ARHGAP32: variants seen among roughly 807,000 people sequenced by gnomAD.
ARHGAP32 encodes Rho GTPase activating protein 32, also known as rho GTPase-activating protein 32.
ARHGAP32 carries 51 observed loss-of-function variants against 186.5 expected under a neutral mutation model. That is an observed-to-expected ratio of 0.27 (90% CI 0.22 to 0.35). The LOEUF (loss-of-function observed/expected upper bound fraction) is 0.35. ARHGAP32 is among the 10% of genes least tolerant of loss of function. The probability of loss-of-function intolerance (pLI) is 1.00; values close to 1 mark genes in which losing one functional copy is unlikely to be tolerated. For missense variants in ARHGAP32, 2,186 were observed against 2,623.5 expected (o/e 0.83, Z 3.64); for synonymous variants, 950 against 964.3 (o/e 0.99, Z 0.27).
intron 1 of ARHGAP32, among the ~76,000 whole-genome samples, chr11:129,211,254 T>C (rs1293839553): frequency 1.3e-5 from 2 of 152,210 alleles, no homozygotes; most frequent in Non-Finnish European, 1.5e-5. Flanking sequence ...TAATGCTGTA[T>C]AGATTTTGAG....
At chr11:129,196,553 T>C (rs1192599993), upstream of ARHGAP32, among the ~76,000 whole-genome samples, 6 of 152,182 alleles carry the variant, frequency 3.9e-5, no homozygotes, top group Admixed American at 3.9e-4. Context: ...CAGGGTGTCC[T>C]GGAAACGATT....
intron 1 of ARHGAP32, among the ~76,000 whole-genome samples, chr11:129,245,751 T>C (rs1456383682): frequency 6.6e-6 from 1 of 151,562 alleles, no homozygotes; most frequent in Admixed American, 6.6e-5. Flanking sequence ...TATATCACCA[T>C]TATTTTCCCA....
At chr11:129,110,962 C>T (rs928460599) in intron 5 of ARHGAP32, among the ~76,000 whole-genome samples, 7 of 152,084 alleles carry the variant, frequency 4.6e-5, no homozygotes, top group African/African-American at 1.2e-4. Flanking sequence ...TCCAATACTA[C>T]GTTGAACAGG....
intron 2 of ARHGAP32, among the ~76,000 whole-genome samples, chr11:129,135,682 G>A (rs2135414603): frequency 1.3e-5 from 2 of 152,202 alleles, no homozygotes; most frequent in South Asian, 4.1e-4. Flanking sequence ...CAGGAGAATG[G>A]TGTGAACCCA....
In ARHGAP32 at chr11:128,968,948, A is replaced by C. The variant is rs1445909124; in HGVS notation, c.6265T>G (p.Leu2089Val). The change falls in exon 23 of 23, where the codon TTG becomes GTG. Residue 2089 changes from leucine to valine, a missense_variant. By Grantham distance (32) the Leu-to-Val change is conservative. This residue lies in a region of ARHGAP32 where 1,502 missense variants were observed against 1,570.0 expected (regional missense o/e 0.96). Transcript: ENST00000682385. ...TGTGTTTCAGGATGCTGCAAGGACA[A>C]CTCTGCGGGCAGGAAGGCCCCTTGA... is the stretch of plus-strand genomic sequence containing the variant. ...LGQGAFLPAE[L>V]SLQHPETQIH... is the part of the protein sequence containing the mutation. 2.6e-6 allele frequency: 4 copies of C among 1,558,600 alleles called. No individual in the cohort carries two copies.
chr11:129,114,625 A>C (rs1232418290), intron 5 of ARHGAP32, among the ~76,000 whole-genome samples: 1 of 152,142 alleles, frequency 6.6e-6, no homozygotes, highest in African/African-American at 2.4e-5. Context: ...ACTATGAAGG[A>C]CTGAACTATA....
chr11:129,112,053 A>G (rs1377258046), intron 5 of ARHGAP32, among the ~76,000 whole-genome samples: 1 of 152,052 alleles, frequency 6.6e-6, no homozygotes, highest in Non-Finnish European at 1.5e-5. Context: ...GACCAGCCTG[A>G]TCAATAAGGT....
At chr11:129,255,542 A>G (rs992280170) in intron 1 of ARHGAP32, among the ~76,000 whole-genome samples, 1 of 152,132 alleles carries the variant, frequency 6.6e-6, no homozygotes, top group African/African-American at 2.4e-5. Flanking sequence ...ACACTGGACT[A>G]TATTAAGACC....
chr11:128,981,814 T>G lies in ARHGAP32; in HGVS notation c.1634+15A>C. ...GATTAGTTCTACTAAAATTAATAAG[T>G]GAAATGCAAATTACCTTAACAGGTT... On this transcript the variant is annotated intron_variant, in intron 16 of 22. Coordinates refer to ENST00000682385, the MANE Select transcript of ARHGAP32 (RefSeq NM_001378024.1). 6.4e-7 allele frequency: 1 copy of G among 1,560,382 alleles called. No homozygotes were observed. The highest frequency in any genetic ancestry group is 8.8e-7 in the Non-Finnish European group (1 of 1,136,910).
At chr11:129,065,753 A>G (rs1314764727) in intron 7 of ARHGAP32, among the ~76,000 whole-genome samples, 1 of 151,978 alleles carries the variant, frequency 6.6e-6, no homozygotes, top group Non-Finnish European at 1.5e-5. Flanking sequence ...CCAATTTTTA[A>G]TTATTTCCTT....
chr11:129,083,580 G>T (rs1045831250), intron 6 of ARHGAP32, among the ~76,000 whole-genome samples: 7 of 152,158 alleles, frequency 4.6e-5, no homozygotes, highest in Admixed American at 1.3e-4. Flanking sequence ...GGGATGATGG[G>T]AAGAAGGGAT....
chr11:129,078,797 G>A (rs923659337), intron 6 of ARHGAP32, among the ~76,000 whole-genome samples: 1 of 152,062 alleles, frequency 6.6e-6, no homozygotes, highest in African/African-American at 2.4e-5. Flanking sequence ...CCGGCCAGAA[G>A]GTTGATTACT....
chr11:129,093,532 A>C (rs1253358569), intron 6 of ARHGAP32, 89 bp downstream of exon 6: 1 of 879,386 alleles, frequency 1.1e-6, no homozygotes. Context: ...TATATCCTTT[A>C]GGCAAATCAC....
intron 5 of ARHGAP32, among the ~76,000 whole-genome samples, chr11:129,109,734 C>A (rs1942152449): frequency 6.6e-6 from 1 of 151,890 alleles, no homozygotes; most frequent in Non-Finnish European, 1.5e-5. Flanking sequence ...TTTGAGAACT[C>A]TATTCTTATC....
chr11:129,251,567 T>C (rs1453518241), intron 1 of ARHGAP32, among the ~76,000 whole-genome samples: 2 of 152,084 alleles, frequency 1.3e-5, no homozygotes, highest in Non-Finnish European at 2.9e-5. Context: ...ATCAACAATA[T>C]ATGAATTACA....
At chr11:129,213,000 G>A (rs1944600031) in intron 1 of ARHGAP32, among the ~76,000 whole-genome samples, 1 of 151,248 alleles carries the variant, frequency 6.6e-6, no homozygotes, top group African/African-American at 2.4e-5. Flanking sequence ...AATTATATGT[G>A]TATCTGGCCT....
At position 128,973,413 on chromosome 11, in the gene ARHGAP32, G is replaced by T; in HGVS notation, c.3093C>A (p.Pro1031=). 1 of 1,613,630 alleles carries T rather than the reference G, an allele frequency of 6.2e-7. No homozygotes were observed. Among genetic ancestry groups the T allele is most frequent in the Admixed American group, 1.7e-5 (1 of 60,006 alleles). Residue 1031 remains proline, a synonymous_variant, in exon 22 of 23, where the codon CCC becomes CCA. Transcript: ENST00000682385. ...AACTGACAGGAACGGAATCCTGAGG[G>T]GGGTCATGGGTAACTGCTCCTAGTG... is the stretch of plus-strand genomic sequence containing the variant. ...QTQTGAVTHD[P]PQDSVPVSSV...
intron 1 of ARHGAP32, among the ~76,000 whole-genome samples, chr11:129,242,523 C>T (rs992356206): frequency 1.3e-5 from 2 of 152,078 alleles, no homozygotes; most frequent in African/African-American, 4.8e-5. Flanking sequence ...TCGAGACCAT[C>T]CTGGCTAACA....
At chr11:129,048,479 A>ATT (rs11310706) in intron 10 of ARHGAP32, among the ~76,000 whole-genome samples, 2 of 149,446 alleles carry the variant, frequency 1.3e-5, no homozygotes, top group South Asian at 4.3e-4. Flanking sequence ...TAAAGTATCT[A>ATT]TTTTTTTTTT....
Sources: allele counts gnomAD v4.1 joint callset (sites outside exome capture counted in the v4.1 genomes callset), GRCh38; gene constraint gnomAD v4.1.1; regional missense constraint gnomAD v4.1.1; transcripts MANE v1.5; gene names NCBI Gene and HGNC (gene_info 2026-07-23, HGNC 2026-07-21).